The following SPECC1 variants were observed in gnomAD, a reference collection of about 807,000 sequenced individuals.
The protein encoded by SPECC1 is cytospin-B.
Under a neutral mutation model 104.1 loss-of-function variants are expected in SPECC1, and 62 were observed. The ratio of observed to expected loss-of-function variants is 0.60; its 90% CI spans 0.49 to 0.74. The LOEUF is 0.74. Ranked by LOEUF, SPECC1 falls within the 30% of genes least tolerant of loss-of-function variation. The probability of loss-of-function intolerance (pLI) is 0.00; values close to 1 mark genes in which losing one functional copy is unlikely to be tolerated. For synonymous variants in SPECC1, 513 were observed against 501.6 expected, an observed-to-expected ratio of 1.02 and a Z score of -0.30; for missense variants, 1,306 against 1,310.5, an observed-to-expected ratio of 1.00 and a Z score of 0.05.
intron 1 of SPECC1, among the ~76,000 whole-genome samples, chr17:20,027,034 T>C (rs1395134724): frequency 2.0e-5 from 3 of 152,182 alleles, no homozygotes; most frequent in Non-Finnish European, 2.9e-5. Context: ...CTCTGATGAT[T>C]AGTGATGGTG....
intron 1 of SPECC1, among the ~76,000 whole-genome samples, chr17:20,077,616 G>A (rs1467161501): frequency 2.0e-5 from 3 of 152,034 alleles, no homozygotes; most frequent in South Asian, 2.1e-4. Context: ...ATAGGCACCC[G>A]CCACCACGCC....
At chr17:20,252,299 T>C (rs2039663162) in intron 9 of SPECC1, among the ~76,000 whole-genome samples, 1 of 152,118 alleles carries the variant, frequency 6.6e-6, no homozygotes, top group African/African-American at 2.4e-5. Flanking sequence ...AGATTCAGGG[T>C]GTACATGTAC....
rs71357419 is a variant in SPECC1 at position 20,254,134 on chromosome 17, CGTGTGT to C, written c.2680+585_2680+590del. ...TGCAGTCCTCTTCCTGTTGTTACAC[CGTGTGT>C]GTGTGTGTGTGTGTGTGTGTGTGTG... On this transcript the variant is annotated intron_variant, in intron 10 of 14. Coordinates refer to ENST00000395527, the MANE Select transcript of SPECC1 (RefSeq NM_001243439.2). 3.4e-3 allele frequency among the ~76,000 whole-genome samples: 467 copies of C among 135,962 alleles called. 4 individuals are homozygous for C. Among genetic ancestry groups the C allele is most frequent in the East Asian group, 0.028 (130 of 4,602 alleles). 89.2% of individuals were successfully genotyped at this position (135,962 alleles called of 152,430 possible).
chr17:20,070,062 G>C (rs2046493768), intron 1 of SPECC1, among the ~76,000 whole-genome samples: 1 of 152,058 alleles, frequency 6.6e-6, no homozygotes, highest in Admixed American at 6.5e-5. Context: ...TCTGTGATTA[G>C]AGATAGTTTT....
chr17:20,053,550 T>A (rs1457241254), intron 1 of SPECC1, among the ~76,000 whole-genome samples: 1 of 152,216 alleles, frequency 6.6e-6, no homozygotes, highest in Admixed American at 6.5e-5. Flanking sequence ...GGAAGAACAC[T>A]GTGGCTTCCT....
chr17:20,148,383 G>A (rs771783327), intron 3 of SPECC1, among the ~76,000 whole-genome samples: 1 of 152,022 alleles, frequency 6.6e-6, no homozygotes, highest in Non-Finnish European at 1.5e-5. Context: ...GGGACTACAG[G>A]TGCACACTAC....
At chr17:20,306,143 A>T in intron 14 of SPECC1, 61 bp downstream of exon 14, 1 of 1,508,324 alleles carries the variant, frequency 6.6e-7, no homozygotes, top group South Asian at 1.2e-5. Context: ...ACTTTATGCC[A>T]TCTGATAAAC....
intron 1 of SPECC1, among the ~76,000 whole-genome samples, chr17:20,063,125 TC>T (rs2046248501): frequency 6.6e-6 from 1 of 152,244 alleles, no homozygotes; most frequent in African/African-American, 2.4e-5. Flanking sequence ...TAGTCTTATC[TC>T]TTCTTAAAAT....
At chr17:20,110,697 T>C (rs561125075) in intron 3 of SPECC1, 135 bp downstream of exon 3, 11 of 1,104,718 alleles carry the variant, frequency 1.0e-5, no homozygotes, top group Admixed American at 3.3e-5. Flanking sequence ...CGGAACTGTT[T>C]TAGGCAGACG....
At chr17:20,302,945 G>C (rs2041641058) in intron 13 of SPECC1, among the ~76,000 whole-genome samples, 1 of 147,122 alleles carries the variant, frequency 6.8e-6, no homozygotes, top group African/African-American at 2.5e-5. Flanking sequence ...CAAACTAGAA[G>C]GTTTTTGCAT....
chr17:20,234,801 G>A (rs1158098751), intron 7 of SPECC1, among the ~76,000 whole-genome samples: 6 of 152,224 alleles, frequency 3.9e-5, no homozygotes, highest in African/African-American at 1.4e-4. Context: ...ATAAGCACGA[G>A]ATGAAGCACC....
chr17:20,303,772 G>A (rs1324883222), intron 13 of SPECC1, among the ~76,000 whole-genome samples: 1 of 151,920 alleles, frequency 6.6e-6, no homozygotes, highest in African/African-American at 2.4e-5. Context: ...GGCCAATGTG[G>A]TGAAAACCTG....
intron 3 of SPECC1, among the ~76,000 whole-genome samples, chr17:20,132,068 T>TC (rs1448183318): frequency 5.3e-5 from 8 of 152,212 alleles, no homozygotes; most frequent in African/African-American, 1.9e-4. Flanking sequence ...GATTTTTTTT[T>TC]TTCTGAGAAA....
intron 1 of SPECC1, among the ~76,000 whole-genome samples, chr17:20,044,314 G>C (rs138632084): frequency 1.1e-3 from 175 of 152,298 alleles, no homozygotes; most frequent in African/African-American, 4.1e-3. Context: ...TAAAGTATGG[G>C]TATGGGATTC....
rs1442431011 is a variant in SPECC1, at chr17:20,314,554, C to G, written c.*489C>G. 2 of 272,918 alleles carry G rather than the reference C, an allele frequency of 7.3e-6. No individual in the cohort carries two copies. Among genetic ancestry groups the G allele is most frequent in the Admixed American group, 4.6e-5 (1 of 21,602 alleles). 16.9% of individuals were successfully genotyped at this position (272,918 alleles called of 1,614,324 possible). A position where few individuals can be genotyped will look rare whatever the true frequency, so the allele number is the denominator to read the frequency against. ...CTTTAGGAAGCCAAGGCAGTAGGAT[C>G]GTTTGAGCCCAGGAGTTCGAGGCTG... is the stretch of plus-strand genomic sequence containing the variant. On this transcript the variant is annotated 3_prime_UTR_variant, in exon 15 of 15. Coordinates refer to ENST00000395527, the MANE Select transcript of SPECC1 (RefSeq NM_001243439.2).
chr17:20,011,044 C>T (rs894582458), intron 1 of SPECC1, among the ~76,000 whole-genome samples: 3 of 152,184 alleles, frequency 2.0e-5, no homozygotes, highest in African/African-American at 7.2e-5. Flanking sequence ...GGATTGTTCA[C>T]ATCAATAAGC....
intron 3 of SPECC1, among the ~76,000 whole-genome samples, chr17:20,200,203 A>C (rs1412237276): frequency 6.6e-6 from 1 of 152,206 alleles, no homozygotes; most frequent in African/African-American, 2.4e-5. Context: ...AAACAGTAAC[A>C]TTACTCACAG....
chr17:20,229,504 A>T (rs1208366122), intron 5 of SPECC1, among the ~76,000 whole-genome samples: 1 of 152,120 alleles, frequency 6.6e-6, no homozygotes. Flanking sequence ...GTCTTGACAA[A>T]AAAATAAAAT....
intron 11 of SPECC1, among the ~76,000 whole-genome samples, chr17:20,259,792 T>TG (rs1381213178): frequency 1.3e-5 from 2 of 152,194 alleles, no homozygotes; most frequent in Non-Finnish European, 2.9e-5. Flanking sequence ...ATTATAGATG[T>TG]GGGCCACTGC....
Sources: gnomAD v4.1 joint callset for allele counts (sites outside exome capture counted in the v4.1 genomes callset) on GRCh38, gnomAD v4.1.1 for gene constraint, MANE v1.5 for transcripts, NCBI Gene and HGNC (gene_info 2026-07-23, HGNC 2026-07-21) for gene names.